The following EPHA5 variants were observed in gnomAD, a reference collection of about 807,000 sequenced individuals.
EPHA5 encodes ephrin type-A receptor 5.
Under a neutral mutation model 105.0 loss-of-function variants are expected in EPHA5, and 60 were observed. The ratio of observed to expected loss-of-function variants is 0.57; its 90% CI spans 0.46 to 0.71. The LOEUF (loss-of-function observed/expected upper bound fraction) is 0.71. EPHA5 is among the 30% of genes least tolerant of loss of function. EPHA5 has a pLI of 0.00. For missense variants in EPHA5, 1,218 were observed against 1,274.7 expected (o/e 0.96, Z 0.68); for synonymous variants, 513 against 449.1 (o/e 1.14, Z -1.80).
chr4:65,530,891 TG>T (rs1227041964), intron 3 of EPHA5, among the ~76,000 whole-genome samples: 2 of 152,194 alleles, frequency 1.3e-5, no homozygotes, highest in Non-Finnish European at 2.9e-5. Flanking sequence ...CACCTCTCCT[TG>T]CAGAATAGAG....
At chr4:65,365,477 A>C (rs1717781636) in intron 10 of EPHA5, among the ~76,000 whole-genome samples, 1 of 150,980 alleles carries the variant, frequency 6.6e-6, no homozygotes, top group African/African-American at 2.4e-5. Context: ...ACCTTTTAAA[A>C]AAGAATGAAA....
intron 3 of EPHA5, among the ~76,000 whole-genome samples, chr4:65,578,201 A>G (rs909431328): frequency 1.3e-5 from 2 of 151,938 alleles, no homozygotes; most frequent in Non-Finnish European, 2.9e-5. Context: ...CACCCTCCCA[A>G]CTGTACTCCA....
At chr4:65,586,071 A>T (rs944181136) in intron 3 of EPHA5, among the ~76,000 whole-genome samples, 1 of 151,648 alleles carries the variant, frequency 6.6e-6, no homozygotes, top group African/African-American at 2.4e-5. Context: ...ACACTTAGGG[A>T]AATTGGATTT....
At chr4:65,423,997 C>G (rs961887974) in intron 5 of EPHA5, among the ~76,000 whole-genome samples, 1 of 152,072 alleles carries the variant, frequency 6.6e-6, no homozygotes, top group Non-Finnish European at 1.5e-5. Flanking sequence ...ATGTTGCGAA[C>G]TCTAATTATT....
chr4:65,474,014 C>T (rs1177432448), intron 5 of EPHA5, among the ~76,000 whole-genome samples: 1 of 129,654 alleles, frequency 7.7e-6, no homozygotes, highest in Non-Finnish European at 1.6e-5. Flanking sequence ...ACACCGGGGC[C>T]TGTTGTGGGG....
At chr4:65,646,477 G>A (rs1232147161) in intron 1 of EPHA5, among the ~76,000 whole-genome samples, 1 of 152,120 alleles carries the variant, frequency 6.6e-6, no homozygotes, top group African/African-American at 2.4e-5. Flanking sequence ...GTTCATTAGT[G>A]GATGAATACT....
chr4:65,629,089 A>T (rs76065207), intron 2 of EPHA5, among the ~76,000 whole-genome samples: 33,555 of 152,200 alleles, frequency 0.22, 4,792 homozygotes, highest in Middle Eastern at 0.38. Context: ...TCAAATATTT[A>T]TAATAACATT....
At chr4:65,405,262 T>A (rs1298798604) in intron 7 of EPHA5, among the ~76,000 whole-genome samples, 1 of 97,954 alleles carries the variant, frequency 1.0e-5, no homozygotes, top group Non-Finnish European at 2.1e-5. Flanking sequence ...TGCTGATAAC[T>A]AATCTTGATT....
intron 3 of EPHA5, among the ~76,000 whole-genome samples, chr4:65,553,648 C>T (rs987392191): frequency 3.3e-5 from 5 of 151,916 alleles, no homozygotes; most frequent in African/African-American, 7.2e-5. Flanking sequence ...TGAAGAAATG[C>T]GGATCACAGT....
At chr4:65,593,749 G>A (rs1247030399) in intron 3 of EPHA5, among the ~76,000 whole-genome samples, 1 of 152,150 alleles carries the variant, frequency 6.6e-6, no homozygotes, top group Non-Finnish European at 1.5e-5. Context: ...CCAAATGATA[G>A]AGTGAGATTT....
chr4:65,418,778 T>C (rs1426823141), intron 6 of EPHA5, among the ~76,000 whole-genome samples: 1 of 151,726 alleles, frequency 6.6e-6, no homozygotes, highest in East Asian at 1.9e-4. Flanking sequence ...CAGGCAATTG[T>C]TGAATCAATG....
At chr4:65,577,001 T>C (rs1741125828) in intron 3 of EPHA5, among the ~76,000 whole-genome samples, 1 of 152,190 alleles carries the variant, frequency 6.6e-6, no homozygotes, top group South Asian at 2.1e-4. Flanking sequence ...GTAAAACAAG[T>C]CCCAGTGTTC....
chr4:65,435,945 C>T (rs942111066), intron 5 of EPHA5, among the ~76,000 whole-genome samples: 37 of 151,890 alleles, frequency 2.4e-4, no homozygotes, highest in African/African-American at 8.7e-4. Flanking sequence ...TGATTTTTTT[C>T]TTCCCTGTGA....
intron 5 of EPHA5, among the ~76,000 whole-genome samples, chr4:65,463,571 A>G (rs949478425): frequency 3.9e-5 from 6 of 152,148 alleles, no homozygotes; most frequent in Non-Finnish European, 8.8e-5. Context: ...ATCACTAAAT[A>G]GGGATTCCAA....
rs551125140 is a variant in EPHA5 at position 65,446,324 on chromosome 4, T to G, written c.1403-25759A>C. Among the ~76,000 whole-genome samples, 262 of 152,316 alleles carry G rather than the reference T, an allele frequency of 1.7e-3. 2 individuals are homozygous for G. The highest frequency in any genetic ancestry group is 3.4e-3 in the Non-Finnish European group (228 of 68,028). On this transcript the variant is annotated intron_variant, in intron 5 of 16. Coordinates refer to ENST00000613740, the MANE Select transcript of EPHA5 (RefSeq NM_001281766.3). ...ATCCTATCATAATCAGTCAAAAAAC[T>G]TATTTGTTCATTTAATCATTACTTT...
At chr4:65,484,776 C>A (rs1730715605) in intron 5 of EPHA5, among the ~76,000 whole-genome samples, 2 of 151,858 alleles carry the variant, frequency 1.3e-5, no homozygotes, top group Non-Finnish European at 2.9e-5. Context: ...AAAATAGAAA[C>A]AAAGTATATA....
At chr4:65,474,800 T>G (rs1729633982) in intron 5 of EPHA5, among the ~76,000 whole-genome samples, 1 of 152,316 alleles carries the variant, frequency 6.6e-6, no homozygotes, top group African/African-American at 2.4e-5. Flanking sequence ...AAAGTCAATC[T>G]TAAAATATTT....
intron 8 of EPHA5, among the ~76,000 whole-genome samples, chr4:65,372,956 T>C (rs895699972): frequency 6.6e-6 from 1 of 151,940 alleles, no homozygotes; most frequent in Non-Finnish European, 1.5e-5. Flanking sequence ...TATGCAAAGA[T>C]AAATTATACA....
intron 5 of EPHA5, among the ~76,000 whole-genome samples, chr4:65,438,479 C>T (rs77854788): frequency 0.017 from 2,630 of 151,464 alleles, 69 homozygotes; most frequent in African/African-American, 0.06. Flanking sequence ...CATATGTTTT[C>T]ATCTTTGAAA....
Sources: allele counts gnomAD v4.1 joint callset (sites outside exome capture counted in the v4.1 genomes callset), GRCh38; gene constraint gnomAD v4.1.1; transcripts MANE v1.5; gene names NCBI Gene and HGNC (gene_info 2026-07-23, HGNC 2026-07-21).